The following SORCS2 variants were observed in gnomAD, a reference collection of about 807,000 sequenced individuals.
The protein encoded by SORCS2 is sortilin related VPS10 domain containing receptor 2, also known as VPS10 domain-containing receptor SorCS2.
In SORCS2, 100 loss-of-function variants were observed where a neutral mutation model predicts 141.6. That is an observed-to-expected ratio of 0.71 (90% CI 0.60 to 0.83). The LOEUF (loss-of-function observed/expected upper bound fraction) is 0.83, where lower values mean the gene tolerates loss of function less well. Ranked by LOEUF, SORCS2 falls within the 40% of genes least tolerant of loss-of-function variation. The pLI, the probability that SORCS2 is intolerant of heterozygous loss-of-function variation, is 0.00. For missense variants in SORCS2, 1,646 were observed against 1,560.2 expected (o/e 1.05, Z -0.93); for synonymous variants, 789 against 676.9 (o/e 1.17, Z -2.57).
At chr4:7,471,373 C>G (rs973168051) in intron 2 of SORCS2, among the ~76,000 whole-genome samples, 2 of 152,240 alleles carry the variant, frequency 1.3e-5, no homozygotes, top group African/African-American at 4.8e-5. Flanking sequence ...CAATTAAATC[C>G]TCAGACGCGG....
rs543349472 is a variant in SORCS2 at position 7,233,561 on chromosome 4, C to A, written c.480+40435C>A. 6.6e-6 allele frequency among the ~76,000 whole-genome samples: 1 copy of A among 152,042 alleles called. No individual in the cohort carries two copies. The highest frequency in any genetic ancestry group is 1.9e-4 in the East Asian group (1 of 5,180). ...ACTGGCAGCTGTGGTGGTGGGTGGACGGGGTGGGTGCTGGGACGAGGACTC... is the reference window on the plus strand; with the variant it reads ...ACTGGCAGCTGTGGTGGTGGGTGGAAGGGGTGGGTGCTGGGACGAGGACTC... On this transcript the variant is annotated intron_variant, in intron 1 of 26. Coordinates refer to ENST00000507866, the MANE Select transcript of SORCS2 (RefSeq NM_020777.3). This position sits in a 1 kb window ranked among gnomAD's most constrained non-coding sequence, Gnocchi z 4.5.
intron 1 of SORCS2, among the ~76,000 whole-genome samples, chr4:7,338,753 T>C (rs1720180796): frequency 6.6e-6 from 1 of 152,254 alleles, no homozygotes; most frequent in Non-Finnish European, 1.5e-5. Context: ...TCCATCACAG[T>C]TGGAAACCAT....
rs1046018432 is a variant in SORCS2, at chr4:7,727,437, C to G, written c.2869+534C>G. On this transcript the variant is annotated intron_variant, in intron 21 of 26. Transcript: ENST00000507866. ...CTAAGACTGAAGGAGACCCCCCCCC[C>G]CCTTGTCAAGGAGGCAGAGCTCATT... Among the ~76,000 whole-genome samples, 14 of 141,348 alleles carry G rather than the reference C, an allele frequency of 9.9e-5. No homozygotes were observed. The South Asian group carries it at 2.0e-3, about 20-fold the overall frequency. 92.7% of individuals were successfully genotyped at this position (141,348 alleles called of 152,430 possible).
intron 1 of SORCS2, among the ~76,000 whole-genome samples, chr4:7,381,620 C>T (rs952605569): frequency 6.6e-6 from 1 of 152,092 alleles, no homozygotes; most frequent in East Asian, 1.9e-4. Flanking sequence ...GCAGCCAACT[C>T]TCTTACTCAC....
intron 1 of SORCS2, among the ~76,000 whole-genome samples, chr4:7,303,885 G>A (rs542479417): frequency 2.8e-4 from 42 of 152,386 alleles, no homozygotes; most frequent in Admixed American, 4.6e-4. Context: ...GAGAGTGTGG[G>A]GAGAGAAAGG....
chr4:7,734,397 T>C (rs1243835936), intron 25 of SORCS2, 23 bp downstream of exon 25: 2 of 1,454,238 alleles, frequency 1.4e-6, no homozygotes, highest in South Asian at 1.4e-5. Flanking sequence ...GCTGCCCTCC[T>C]CTGCGGGGCT....
intron 3 of SORCS2, among the ~76,000 whole-genome samples, chr4:7,563,508 A>G (rs913259103): frequency 1.3e-5 from 2 of 151,782 alleles, no homozygotes; most frequent in Non-Finnish European, 1.5e-5. Flanking sequence ...TGCCACTTGG[A>G]CTCTTCCATG....
intron 11 of SORCS2, among the ~76,000 whole-genome samples, chr4:7,692,540 C>T (rs796875098): frequency 2.0e-4 from 31 of 152,294 alleles, no homozygotes; most frequent in African/African-American, 7.0e-4. Context: ...TCCAAGGGGA[C>T]ACTGGGCACT....
chr4:7,396,141 C>T lies in SORCS2; in HGVS notation c.481-147C>T, dbSNP rs138806572. The T allele has an allele frequency of 6.3e-3, 4,064 of 646,202 alleles. 27 individuals carry two copies. The highest frequency in any genetic ancestry group is 0.031 in the Middle Eastern group (108 of 3,468). The allele number at this position is 646,202 out of a possible 1,614,324, so 40.0% of individuals were successfully genotyped here. On this transcript the variant is annotated intron_variant, in intron 1 of 26. Coordinates refer to ENST00000507866, the MANE Select transcript of SORCS2 (RefSeq NM_020777.3). The stretch of plus-strand genomic sequence containing the variant: ...GGCTCTCATGTAGGGTGGCCCAGAG[C>T]CTCTCAGGGATACTGACTAAGAGAG...
intron 3 of SORCS2, among the ~76,000 whole-genome samples, chr4:7,537,693 G>C (rs1560367321): frequency 6.6e-6 from 1 of 152,172 alleles, no homozygotes; most frequent in African/African-American, 2.4e-5. Context: ...GAATCTCTCT[G>C]CTGCAAGTTT....
At chr4:7,396,195 C>T in intron 1 of SORCS2, 93 bp from the exon 2 acceptor site, 1 of 1,260,648 alleles carries the variant, frequency 7.9e-7, no homozygotes, top group Non-Finnish European at 1.1e-6. Context: ...TTTAGAGACC[C>T]CAAATTCTGG....
chr4:7,679,393 T>C (rs1286700805), intron 9 of SORCS2, among the ~76,000 whole-genome samples: 1 of 152,208 alleles, frequency 6.6e-6, no homozygotes. Context: ...CACATGCTAA[T>C]ACCCAGGCCC....
chr4:7,526,514 G>A (rs1733705544), intron 2 of SORCS2, among the ~76,000 whole-genome samples: 1 of 152,026 alleles, frequency 6.6e-6, no homozygotes, highest in Admixed American at 6.5e-5. Flanking sequence ...GGCGGGCGGG[G>A]TGAGGGGGAT....
chr4:7,584,718 T>G (rs563121643), intron 3 of SORCS2, among the ~76,000 whole-genome samples: 79 of 152,166 alleles, frequency 5.2e-4, no homozygotes, highest in Non-Finnish European at 8.8e-4. Context: ...GGGGGGAGGT[T>G]GCATCTAAGA....
At chr4:7,678,935 G>A (rs1030765149) in intron 9 of SORCS2, among the ~76,000 whole-genome samples, 1 of 152,190 alleles carries the variant, frequency 6.6e-6, no homozygotes, top group East Asian at 1.9e-4. Context: ...GGGTTGCTGT[G>A]AGGTTTAAGG....
chr4:7,511,384 AGC>A (rs1491085509), intron 2 of SORCS2, among the ~76,000 whole-genome samples: 4 of 138,456 alleles, frequency 2.9e-5, no homozygotes, highest in South Asian at 5.3e-4. Flanking sequence ...ACACACAAAA[AGC>A]CAGAGATCCC....
At chr4:7,400,481 C>T (rs1422985703) in intron 2 of SORCS2, among the ~76,000 whole-genome samples, 1 of 146,630 alleles carries the variant, frequency 6.8e-6, no homozygotes, top group Non-Finnish European at 1.5e-5. Flanking sequence ...CCACCACCAC[C>T]ACCACCACTA....
At chr4:7,523,099 T>TCTGCCTCCTCCCA (rs1733445143) in intron 2 of SORCS2, among the ~76,000 whole-genome samples, 1 of 138,674 alleles carries the variant, frequency 7.2e-6, no homozygotes. Flanking sequence ...CCCTCCTCCC[T>TCTGCCTCCTCCCA]CTGCCTCCTC....
chr4:7,643,126 T>C (rs1720851109), intron 4 of SORCS2, among the ~76,000 whole-genome samples: 1 of 152,212 alleles, frequency 6.6e-6, no homozygotes, highest in Admixed American at 6.5e-5. Context: ...CCCTGTTCCA[T>C]GACTTTACAA....
Sources: allele counts gnomAD v4.1 joint callset (sites outside exome capture counted in the v4.1 genomes callset), GRCh38; gene constraint gnomAD v4.1.1; non-coding constraint Gnocchi (gnomAD v3.1); transcripts MANE v1.5; gene names NCBI Gene and HGNC (gene_info 2026-07-23, HGNC 2026-07-21).